ADAMTS12: variants seen among roughly 807,000 people sequenced by gnomAD.
ADAMTS12 encodes A disintegrin and metalloproteinase with thrombospondin motifs 12.
Under a neutral mutation model 167.8 loss-of-function variants are expected in ADAMTS12, and 118 were observed. That is an observed-to-expected ratio of 0.70 (90% CI 0.61 to 0.82). The LOEUF is 0.82. Among genes scored for constraint, ADAMTS12 ranks in the 40% least tolerant of loss-of-function variants. The pLI, the probability that ADAMTS12 is intolerant of heterozygous loss-of-function variation, is 0.00. For missense variants in ADAMTS12, 1,916 were observed against 1,998.8 expected (o/e 0.96, Z 0.79); for synonymous variants, 704 against 716.9 (o/e 0.98, Z 0.29).
At chr5:33,541,180 T>C (rs1744679506) in intron 22 of ADAMTS12, among the ~76,000 whole-genome samples, 1 of 152,170 alleles carries the variant, frequency 6.6e-6, no homozygotes, top group African/African-American at 2.4e-5. Flanking sequence ...CAGAACTTCG[T>C]GACGCATGCA....
chr5:33,624,089 T>C (rs919222261), intron 14 of ADAMTS12, 142 bp downstream of exon 14: 3 of 1,302,804 alleles, frequency 2.3e-6, no homozygotes, highest in Admixed American at 2.2e-5. Flanking sequence ...TCCTTTGTGG[T>C]AAAGGCTATA....
chr5:33,691,493 G>A (rs753033176), intron 3 of ADAMTS12, among the ~76,000 whole-genome samples: 4 of 152,216 alleles, frequency 2.6e-5, no homozygotes, highest in Non-Finnish European at 4.4e-5. Flanking sequence ...GGAATGGAAT[G>A]CTTTCTTTTT....
intron 9 of ADAMTS12, 70 bp downstream of exon 9, chr5:33,648,752 T>C: frequency 6.4e-7 from 1 of 1,571,336 alleles, no homozygotes; most frequent in South Asian, 1.1e-5. Context: ...TTCCAAATAT[T>C]GTCCTGGCCC....
At chr5:33,678,816 C>A (rs1408652175) in intron 5 of ADAMTS12, among the ~76,000 whole-genome samples, 1 of 152,028 alleles carries the variant, frequency 6.6e-6, no homozygotes, top group Non-Finnish European at 1.5e-5. Flanking sequence ...ACTGAGGAAA[C>A]AAGATGAAAA....
intron 3 of ADAMTS12, among the ~76,000 whole-genome samples, chr5:33,703,570 A>G (rs372431317): frequency 6.6e-6 from 1 of 151,984 alleles, no homozygotes; most frequent in Non-Finnish European, 1.5e-5. Flanking sequence ...CCTCCCCCCA[A>G]TCCTCTGGTA....
chr5:33,712,903 T>C (rs1407163625), intron 3 of ADAMTS12, among the ~76,000 whole-genome samples: 1 of 152,136 alleles, frequency 6.6e-6, no homozygotes, highest in Non-Finnish European at 1.5e-5. Flanking sequence ...GGTCATGGCC[T>C]AGATCCAATA....
intron 9 of ADAMTS12, among the ~76,000 whole-genome samples, chr5:33,646,195 C>T (rs4129122): frequency 0.57 from 85,963 of 151,934 alleles, 24,980 homozygotes; most frequent in East Asian, 0.67. Context: ...CCCTGGAAAA[C>T]GCTTACCTCT....
chr5:33,528,764 G>A (rs929992868), intron 23 of ADAMTS12, among the ~76,000 whole-genome samples: 6 of 152,178 alleles, frequency 3.9e-5, no homozygotes, highest in East Asian at 1.9e-4. Context: ...CAATGCTTCC[G>A]GGCCGGGCAT....
chr5:33,669,608 T>C lies in ADAMTS12; in HGVS notation c.916-7568A>G, dbSNP rs192479952. Among the ~76,000 whole-genome samples the C allele has an allele frequency of 2.6e-5, 4 of 152,250 alleles. No homozygotes were observed. The East Asian group carries it at 5.8e-4, about 22-fold the overall frequency. ...TTTACTTAAATTAATATTACACTTA[T>C]TCTGCACTTCTTGAATATACGAGTT... On this transcript the variant is annotated intron_variant, in intron 5 of 23. Coordinates refer to ENST00000504830, the MANE Select transcript of ADAMTS12 (RefSeq NM_030955.4).
rs181960279 is a variant in ADAMTS12 at position 33,642,246 on chromosome 5, T to C, written c.1573-291A>G. ...GAATGTAAATCAACATACTACTTTT[T>C]TCATTGAGAAAGTCTTGTTAGGAAA... On this transcript the variant is annotated intron_variant, in intron 10 of 23. Transcript: ENST00000504830. Among the ~76,000 whole-genome samples, 9 of 152,326 alleles carry C rather than the reference T, an allele frequency of 5.9e-5. 1 individual carries two copies. Among genetic ancestry groups the C allele is most frequent in the African/African-American group, 1.9e-4 (8 of 41,578 alleles).
chr5:33,815,238 T>G (rs1267124391), intron 2 of ADAMTS12, among the ~76,000 whole-genome samples: 1 of 152,214 alleles, frequency 6.6e-6, no homozygotes, highest in African/African-American at 2.4e-5. Flanking sequence ...TGTTACAAAC[T>G]GAATGTTTCT....
rs1739898405 is a variant in ADAMTS12, at chr5:33,630,930, AG to A, written c.1889-18del. On this transcript the variant is annotated intron_variant, in intron 12 of 23. Coordinates refer to ENST00000504830, the MANE Select transcript of ADAMTS12 (RefSeq NM_030955.4). ...AAGGATGTGCTGAAGGGAAAAAAGA[AG>A]GCAAAGCCTTGCAAATTAGCTTTTA... is the stretch of plus-strand genomic sequence containing the variant. 3.7e-6 allele frequency: 6 copies of A among 1,609,176 alleles called. No homozygotes were observed. The highest frequency in any genetic ancestry group is 4.3e-6 in the Non-Finnish European group (5 of 1,176,188).
intron 1 of ADAMTS12, among the ~76,000 whole-genome samples, chr5:33,883,377 T>C (rs1750527200): frequency 6.7e-6 from 1 of 148,972 alleles, no homozygotes; most frequent in South Asian, 2.2e-4. Flanking sequence ...CTCCAAACCC[T>C]TTGTGGAATC....
At chr5:33,867,873 C>T (rs150286706) in intron 2 of ADAMTS12, among the ~76,000 whole-genome samples, 4 of 151,950 alleles carry the variant, frequency 2.6e-5, no homozygotes, top group East Asian at 1.9e-4. Flanking sequence ...AACTGTAATC[C>T]CCAGTGTTGG....
chr5:33,833,367 CATA>C (rs1257099969), intron 2 of ADAMTS12, among the ~76,000 whole-genome samples: 1 of 152,186 alleles, frequency 6.6e-6, no homozygotes, highest in Non-Finnish European at 1.5e-5. Flanking sequence ...AACACGAGGT[CATA>C]ATCATTGCAA....
chr5:33,549,667 G>C (rs190266117), intron 20 of ADAMTS12, among the ~76,000 whole-genome samples: 5 of 152,336 alleles, frequency 3.3e-5, no homozygotes, highest in African/African-American at 1.2e-4. Flanking sequence ...TCTAAACTGG[G>C]ATCATAACTG....
intron 2 of ADAMTS12, among the ~76,000 whole-genome samples, chr5:33,771,547 T>C (rs1745736899): frequency 6.6e-6 from 1 of 152,140 alleles, no homozygotes; most frequent in African/African-American, 2.4e-5. Context: ...GTTTCTTTTA[T>C]TAAAAATAAA....
intron 3 of ADAMTS12, among the ~76,000 whole-genome samples, chr5:33,690,819 G>A (rs930693565): frequency 6.6e-6 from 1 of 151,876 alleles, no homozygotes; most frequent in African/African-American, 2.4e-5. Flanking sequence ...ACTGATTTGC[G>A]GTCTGACCCC....
rs200655889 is a variant in ADAMTS12, at chr5:33,576,324, G to C, written c.3702C>G (p.Pro1234=). 30 of 1,614,162 alleles carry C rather than the reference G, an allele frequency of 1.9e-5. No individual in the cohort carries two copies. The highest frequency in any genetic ancestry group is 2.5e-5 in the Non-Finnish European group (30 of 1,180,020). Residue 1234 remains proline, a synonymous_variant, in exon 19 of 24, where the codon CCC becomes CCG. Transcript: ENST00000504830. ...QRPTTSETGT[P]RVEGMVTEKP... ...TTTCAGTAACCATCCCCTCAACTCT[G>C]GGTGTCCCAGTTTCGGAAGTAGTGG...
Sources: gnomAD v4.1 joint callset for allele counts (sites outside exome capture counted in the v4.1 genomes callset) on GRCh38, gnomAD v4.1.1 for gene constraint, MANE v1.5 for transcripts, NCBI Gene and HGNC (gene_info 2026-07-23, HGNC 2026-07-21) for gene names.